Variants in STAG1 observed in about 807,000 individuals in gnomAD.
STAG1 encodes the protein STAG1 cohesin complex component.
Under a neutral mutation model 170.9 loss-of-function variants are expected in STAG1, and 26 were observed. The observed-to-expected ratio is 0.15, with a 90% CI of 0.11 to 0.21. The LOEUF (loss-of-function observed/expected upper bound fraction) is 0.21. Among genes scored for constraint, STAG1 ranks in the 10% least tolerant of loss-of-function variants. STAG1 has a pLI of 1.00. For missense variants in STAG1, 964 were observed against 1,509.5 expected (o/e 0.64, Z 5.99); for synonymous variants, 514 against 497.7 (o/e 1.03, Z -0.44).
intron 19 of STAG1, 41 bp from the exon 20 acceptor site, chr3:136,421,204 A>G (rs1460613667): frequency 2.2e-6 from 3 of 1,355,476 alleles, no homozygotes; most frequent in Non-Finnish European, 3.1e-6. Context: ...AACTTTACTC[A>G]CCTTATAGTA....
intron 16 of STAG1, among the ~76,000 whole-genome samples, chr3:136,427,188 T>G (rs6789488): frequency 6.6e-6 from 1 of 150,906 alleles, no homozygotes; most frequent in Non-Finnish European, 1.5e-5. Flanking sequence ...GAGATCACAC[T>G]ACTGCACTCC....
intron 2 of STAG1, 101 bp downstream of exon 2, chr3:136,630,769 C>G: frequency 1.2e-6 from 1 of 847,040 alleles, no homozygotes; most frequent in South Asian, 1.6e-5. Context: ...TATCAAAGAA[C>G]ATATTTGAAA....
At chr3:136,397,964 G>A (rs939431232) in intron 22 of STAG1, among the ~76,000 whole-genome samples, 1 of 151,122 alleles carries the variant, frequency 6.6e-6, no homozygotes, top group African/African-American at 2.4e-5. Flanking sequence ...TCTTTTTTTT[G>A]AGATGGAGTT....
intron 14 of STAG1, among the ~76,000 whole-genome samples, chr3:136,444,325 C>T (rs572656043): frequency 5.1e-4 from 77 of 152,280 alleles, no homozygotes; most frequent in Non-Finnish European, 3.5e-4. Context: ...CTGCCTGCCT[C>T]GGCCTGCCAA....
chr3:136,520,474 T>C (rs1054928110), intron 7 of STAG1, among the ~76,000 whole-genome samples: 9 of 152,072 alleles, frequency 5.9e-5, no homozygotes, highest in African/African-American at 2.2e-4. Flanking sequence ...TCAACAAGTA[T>C]ACACACACTC....
chr3:136,536,201 C>A (rs554605322), intron 6 of STAG1, among the ~76,000 whole-genome samples: 10 of 152,114 alleles, frequency 6.6e-5, no homozygotes, highest in Admixed American at 6.5e-4. Flanking sequence ...ATGGAGAGGT[C>A]TGACTCAATC....
At chr3:136,443,198 G>A in intron 15 of STAG1, 89 bp downstream of exon 15, 1 of 800,452 alleles carries the variant, frequency 1.2e-6, no homozygotes, top group East Asian at 2.6e-5. Context: ...GCTTATATAT[G>A]CTCATTTTTA....
chr3:136,496,871 T>A, intron 9 of STAG1, among the ~76,000 whole-genome samples: 1 of 146,376 alleles, frequency 6.8e-6, no homozygotes, highest in Non-Finnish European at 1.5e-5. Flanking sequence ...CACTGAACAA[T>A]GAAAAGAGAA....
chr3:136,744,428 C>T (rs1193816609), intron 1 of STAG1, among the ~76,000 whole-genome samples: 1 of 152,176 alleles, frequency 6.6e-6, no homozygotes, highest in Non-Finnish European at 1.5e-5. Flanking sequence ...ATCTTACTAA[C>T]ATCTTTCAGA....
intron 1 of STAG1, among the ~76,000 whole-genome samples, chr3:136,664,468 C>G (rs931954874): frequency 6.6e-6 from 1 of 152,070 alleles, no homozygotes; most frequent in Non-Finnish European, 1.5e-5. Context: ...ATTATTTTAG[C>G]AATTGGGGGT....
At chr3:136,403,224 T>TAAAAAAAAAAAAAAAAA (rs55678408) in intron 21 of STAG1, among the ~76,000 whole-genome samples, 28 of 33,608 alleles carry the variant, frequency 8.3e-4, no homozygotes, top group African/African-American at 2.0e-3. Flanking sequence ...GAGACTGTCT[T>TAAAAAAAAAAAAAAAAA]AAAAAAAAAA....
intron 4 of STAG1, among the ~76,000 whole-genome samples, chr3:136,582,527 G>A (rs923658458): frequency 2.0e-5 from 3 of 152,316 alleles, no homozygotes; most frequent in South Asian, 2.1e-4. Context: ...GGCTGGGCAC[G>A]GTGGCTCACG....
At chr3:136,340,797 C>T (rs533682475) in intron 31 of STAG1, among the ~76,000 whole-genome samples, 192 bp from the exon 32 acceptor site, 1 of 152,310 alleles carries the variant, frequency 6.6e-6, no homozygotes, top group African/African-American at 2.4e-5. Context: ...TTTCATCTCA[C>T]ATATCAAAAG....
chr3:136,426,331 A>AC (rs563627900), intron 16 of STAG1, among the ~76,000 whole-genome samples: 181 of 152,078 alleles, frequency 1.2e-3, no homozygotes, highest in African/African-American at 4.1e-3. Flanking sequence ...AATGGCGTGA[A>AC]CCCCCAGGGG....
At chr3:136,539,128 C>T (rs144605042) in intron 6 of STAG1, among the ~76,000 whole-genome samples, 3 of 148,700 alleles carry the variant, frequency 2.0e-5, no homozygotes, top group Non-Finnish European at 1.5e-5. Context: ...AGCCAGACTC[C>T]GTCTCAAAAA....
At chr3:136,716,671 T>G (rs1943549233) in intron 1 of STAG1, among the ~76,000 whole-genome samples, 1 of 151,992 alleles carries the variant, frequency 6.6e-6, no homozygotes, top group Non-Finnish European at 1.5e-5. Flanking sequence ...AACAAAAAAC[T>G]CTATATTCTA....
intron 1 of STAG1, among the ~76,000 whole-genome samples, chr3:136,632,307 C>T (rs986202498): frequency 6.6e-6 from 1 of 152,100 alleles, no homozygotes; most frequent in Admixed American, 6.5e-5. Context: ...ATAAAACTTA[C>T]AAAGAGAGGG....
Position 136,525,465 on chromosome 3 carries a change from G to A in STAG1, c.472-4048C>T, listed in dbSNP as rs151107062. Among the ~76,000 whole-genome samples the A allele has an allele frequency of 6.4e-3, 975 of 151,862 alleles. 12 individuals are homozygous for A. Among genetic ancestry groups the A allele is most frequent in the African/African-American group, 0.022 (925 of 41,412 alleles). ...TATCCCCTTTATCATTTTTTATTGC[G>A]TCTATTTGAGTCTTCTCTCTTTTCT... On this transcript the variant is annotated intron_variant, in intron 6 of 33. Coordinates refer to ENST00000383202, the MANE Select transcript of STAG1 (RefSeq NM_005862.3).
Position 136,580,695 on chromosome 3 carries a change from G to A in STAG1, c.298-11834C>T, listed in dbSNP as rs377211413. Among the ~76,000 whole-genome samples, 68 of 150,438 alleles carry A rather than the reference G, an allele frequency of 4.5e-4. No individual in the cohort carries two copies. The East Asian group carries it at 5.1e-3, about 11-fold the overall frequency. Reference sequence around the variant, plus strand: ...ACTACAGGCGCCCGCCACCGCGCCCGGCTAATTTTTTGTATTTTTAGTAGA... The same window carrying A: ...ACTACAGGCGCCCGCCACCGCGCCCAGCTAATTTTTTGTATTTTTAGTAGA... On this transcript the variant is annotated intron_variant, in intron 4 of 33. Transcript: ENST00000383202.
Sources: gnomAD v4.1 joint callset for allele counts (sites outside exome capture counted in the v4.1 genomes callset) on GRCh38, gnomAD v4.1.1 for gene constraint, MANE v1.5 for transcripts, NCBI Gene and HGNC (gene_info 2026-07-23, HGNC 2026-07-21) for gene names.